The following DZIP1 variants were observed in gnomAD, a reference collection of about 807,000 sequenced individuals.
DZIP1 encodes the protein DAZ interacting zinc finger protein 1, also known as cilium assembly protein DZIP1.
Under a neutral mutation model 107.6 loss-of-function variants are expected in DZIP1, and 97 were observed. That is an observed-to-expected ratio of 0.90 (90% CI 0.77 to 1.07). The LOEUF (loss-of-function observed/expected upper bound fraction) is 1.07. Ranked by LOEUF, DZIP1 falls within the 50% of genes least tolerant of loss-of-function variation. The pLI, the probability that DZIP1 is intolerant of heterozygous loss-of-function variation, is 0.00. For missense variants in DZIP1, 1,035 were observed against 1,063.6 expected, an observed-to-expected ratio of 0.97 and a Z score of 0.37; for synonymous variants, 390 against 386.4, an observed-to-expected ratio of 1.01 and a Z score of -0.11.
At chr13:95,587,906 G>T in intron 19 of DZIP1, 177 bp from the exon 20 acceptor site, 1 of 679,900 alleles carries the variant, frequency 1.5e-6, no homozygotes, top group African/African-American at 1.8e-5. Context: ...ACCCACGGCT[G>T]TAGCATCCTC....
intron 5 of DZIP1, among the ~76,000 whole-genome samples, chr13:95,640,559 A>G (rs918903708): frequency 6.6e-6 from 1 of 152,012 alleles, no homozygotes; most frequent in Non-Finnish European, 1.5e-5. Flanking sequence ...ACTTCCTCCA[A>G]CTAGTCAATA....
intron 5 of DZIP1, among the ~76,000 whole-genome samples, chr13:95,638,113 G>GA (rs1214676572): frequency 7.4e-6 from 1 of 136,006 alleles, no homozygotes; most frequent in African/African-American, 2.8e-5. Flanking sequence ...TTTTGAGATG[G>GA]AGTTTTGCTC....
At chr13:95,624,028 A>ATAG (rs10623878) in intron 8 of DZIP1, among the ~76,000 whole-genome samples, 120,568 of 151,958 alleles carry the variant, frequency 0.79, 49,312 homozygotes, top group Non-Finnish European at 0.9. Flanking sequence ...TTCATGGGCC[A>ATAG]TTCGCCAAAT....
intron 20 of DZIP1, 96 bp downstream of exon 20, chr13:95,587,443 A>G: frequency 6.6e-7 from 1 of 1,505,836 alleles, no homozygotes; most frequent in Non-Finnish European, 9.0e-7. Flanking sequence ...TTCCTTGCAC[A>G]CCCTCCCAGC....
intron 7 of DZIP1, among the ~76,000 whole-genome samples, chr13:95,628,134 G>C (rs1031416755): frequency 1.4e-4 from 22 of 152,014 alleles, no homozygotes; most frequent in Admixed American, 1.3e-4. Flanking sequence ...TGACCTCCTG[G>C]ACTCAAGCCA....
At chr13:95,591,216 A>T (rs1376649546) in intron 16 of DZIP1, among the ~76,000 whole-genome samples, 1 of 151,868 alleles carries the variant, frequency 6.6e-6, no homozygotes, top group African/African-American at 2.4e-5. Context: ...TTTAGTAGAG[A>T]TGGGGTTTCA....
intron 8 of DZIP1, among the ~76,000 whole-genome samples, chr13:95,622,719 A>T (rs1458924812): frequency 6.7e-6 from 1 of 149,190 alleles, no homozygotes; most frequent in African/African-American, 2.5e-5. Context: ...GGAAAATCTA[A>T]CTTTCTAATC....
In DZIP1 at chr13:95,584,962, C is replaced by G. The variant is rs370743568; in HGVS notation, c.2350-52G>C. ...AATGTTGCTTAGAAAAAAATGGTGT[C>G]CCTCAATCATTTTATTGGTTAGACT... is the stretch of plus-strand genomic sequence containing the variant. On this transcript the variant is annotated intron_variant, in intron 21 of 22. Coordinates refer to ENST00000376829, the MANE Select transcript of DZIP1 (RefSeq NM_198968.4). 39 of 1,496,360 alleles carry G rather than the reference C, an allele frequency of 2.6e-5. No homozygotes were observed. The African/African-American group carries it at 4.0e-4, about 15-fold the overall frequency. 92.7% of individuals were successfully genotyped at this position (1,496,360 alleles called of 1,614,324 possible).
rs1244876201 is a variant in DZIP1, at chr13:95,581,861, TAA to T, written c.*371_*372del. The T allele has an allele frequency of 6.2e-6, 1 of 162,044 alleles. No individual in the cohort carries two copies. The highest frequency in any genetic ancestry group is 1.8e-4 in the East Asian group (1 of 5,704). The allele number at this position is 162,044 out of a possible 1,614,324, so 10.0% of individuals were successfully genotyped here. On this transcript the variant is annotated 3_prime_UTR_variant, in exon 23 of 23. Coordinates refer to ENST00000376829, the MANE Select transcript of DZIP1 (RefSeq NM_198968.4). ...CAGCATACATAAGAAAAATATTTTTTAAAGTTTTAGTAATTCAAACCAAAACA... is the reference window on the plus strand; with the variant it reads ...CAGCATACATAAGAAAAATATTTTTTAGTTTTAGTAATTCAAACCAAAACA...
At chr13:95,642,506 AAAAG>A (rs1767026214) in intron 3 of DZIP1, among the ~76,000 whole-genome samples, 2 of 152,238 alleles carry the variant, frequency 1.3e-5, no homozygotes, top group South Asian at 4.1e-4. Flanking sequence ...CATTAATAGA[AAAAG>A]AAAAAAAAAG....
intron 7 of DZIP1, among the ~76,000 whole-genome samples, chr13:95,625,655 C>T (rs747886950): frequency 1.3e-5 from 2 of 151,950 alleles, no homozygotes; most frequent in Non-Finnish European, 2.9e-5. Flanking sequence ...GTAGCAAATA[C>T]GTGGAAAGTA....
At chr13:95,644,288 G>C (rs1015715184) in intron 1 of DZIP1, 89 bp downstream of exon 1, 3 of 152,478 alleles carry the variant, frequency 2.0e-5, no homozygotes, top group African/African-American at 2.4e-5. Context: ...TCGCAGCCTG[G>C]AGAGGCAGGA....
intron 19 of DZIP1, 50 bp from the exon 20 acceptor site, chr13:95,587,779 G>T: frequency 6.4e-7 from 1 of 1,555,462 alleles, no homozygotes; most frequent in Non-Finnish European, 8.7e-7. Flanking sequence ...AACGCTTTAG[G>T]ATTTATAATA....
At chr13:95,638,761 T>C (rs1878136442) in intron 5 of DZIP1, among the ~76,000 whole-genome samples, 1 of 152,192 alleles carries the variant, frequency 6.6e-6, no homozygotes, top group Non-Finnish European at 1.5e-5. Context: ...TTTAATTTTT[T>C]TTTGTCTCAG....
At chr13:95,642,758 AGTT>A (rs1878684518) in intron 3 of DZIP1, among the ~76,000 whole-genome samples, 1 of 152,180 alleles carries the variant, frequency 6.6e-6, no homozygotes, top group Admixed American at 6.5e-5. Flanking sequence ...ATCTCAATAA[AGTT>A]GTTTTTTAAA....
rs756391723 is a variant in DZIP1 at position 95,624,840 on chromosome 13, T to C, written c.900A>G (p.Glu300=). ...KEEEKEKLVD[E]MEKVKEMFMK... ...TAAACATCTCCTTGACTTTTTCCATTTCATCAACTAGTTTCTCCTTTTCTT... is the reference window on the plus strand; with the variant it reads ...TAAACATCTCCTTGACTTTTTCCATCTCATCAACTAGTTTCTCCTTTTCTT... Residue 300 remains glutamate, a synonymous_variant, in exon 8 of 23, where the codon GAA becomes GAG. Transcript: ENST00000376829. The C allele has an allele frequency of 3.1e-6, 5 of 1,612,448 alleles. No individual in the cohort carries two copies. The highest frequency in any genetic ancestry group is 1.1e-5 in the South Asian group (1 of 90,938).
chr13:95,639,407 A>C (rs1160190750), intron 5 of DZIP1, among the ~76,000 whole-genome samples: 1 of 152,088 alleles, frequency 6.6e-6, no homozygotes, highest in Non-Finnish European at 1.5e-5. Flanking sequence ...CCTGGCCAAC[A>C]CGGTGAAACC....
At chr13:95,599,283 C>T in intron 15 of DZIP1, 82 bp downstream of exon 15, 1 of 1,254,250 alleles carries the variant, frequency 8.0e-7, no homozygotes, top group South Asian at 1.3e-5. Context: ...GGAATAAAAA[C>T]CACTGGCTCA....
chr13:95,605,025 T>C (rs2044730781), intron 14 of DZIP1, among the ~76,000 whole-genome samples: 3 of 152,216 alleles, frequency 2.0e-5, no homozygotes, highest in African/African-American at 7.2e-5. Context: ...CATTACGTAT[T>C]GTGATCACAT....
Sources: allele counts gnomAD v4.1 joint callset (sites outside exome capture counted in the v4.1 genomes callset), GRCh38; gene constraint gnomAD v4.1.1; transcripts MANE v1.5; gene names NCBI Gene and HGNC (gene_info 2026-07-23, HGNC 2026-07-21).